Variants in ABCC5 observed in about 807,000 individuals in gnomAD.
ABCC5 encodes the protein ATP binding cassette subfamily C member 5.
ABCC5 carries 61 observed loss-of-function variants against 160.9 expected under a neutral mutation model. The ratio of observed to expected loss-of-function variants is 0.38; its 90% CI spans 0.31 to 0.47. ABCC5 has a LOEUF of 0.47. ABCC5 is among the 20% of genes least tolerant of loss of function. The pLI is 0.99. For synonymous variants in ABCC5, 666 were observed against 700.6 expected, an observed-to-expected ratio of 0.95 and a Z score of 0.78; for missense variants, 1,308 against 1,813.3, an observed-to-expected ratio of 0.72 and a Z score of 5.06.
intron 2 of ABCC5, among the ~76,000 whole-genome samples, chr3:183,992,596 T>C (rs1411673755): frequency 2.0e-5 from 3 of 151,838 alleles, no homozygotes; most frequent in Non-Finnish European, 4.4e-5. Context: ...CCATCCTGGC[T>C]AACACGGTGA....
intron 16 of ABCC5, among the ~76,000 whole-genome samples, chr3:183,960,227 T>G (rs149010371): frequency 1.3e-5 from 2 of 152,314 alleles, no homozygotes; most frequent in Non-Finnish European, 2.9e-5. Context: ...CTTTTCCACC[T>G]GGTTCTGTAG....
At chr3:183,935,128 C>T (rs1713565552) in intron 26 of ABCC5, among the ~76,000 whole-genome samples, 1 of 151,970 alleles carries the variant, frequency 6.6e-6, no homozygotes, top group Admixed American at 6.6e-5. Flanking sequence ...ATCCGCCCTC[C>T]TCGGCCTCCC....
At chr3:183,977,831 CA>C (rs1392981949) in intron 9 of ABCC5, among the ~76,000 whole-genome samples, 3 of 151,876 alleles carry the variant, frequency 2.0e-5, no homozygotes, top group East Asian at 3.9e-4. Flanking sequence ...TGGCTCACTG[CA>C]ACTTCCACCT....
In ABCC5 at chr3:183,961,516, C is replaced by A. The variant is rs767221036; in HGVS notation, c.2374G>T (p.Val792Phe). ...NNLLLGETPP[V>F]EINSKKETSG... ...CAAACACCATCAGATCTTACCTCAACTGGCGGTGTCTCTCCCAGCAACAGG... is the reference window on the plus strand; with the variant it reads ...CAAACACCATCAGATCTTACCTCAAATGGCGGTGTCTCTCCCAGCAACAGG... Residue 792 changes from valine to phenylalanine, a missense_variant, in exon 16 of 30, where the codon GTT (valine) becomes TTT (phenylalanine). Physicochemically the swap from Val to Phe is conservative, Grantham distance 50. Transcript: ENST00000334444. 2 of 1,614,100 alleles carry A rather than the reference C, an allele frequency of 1.2e-6. No homozygotes were observed. Among genetic ancestry groups the A allele is most frequent in the Admixed American group, 3.3e-5 (2 of 60,006 alleles).
At position 183,949,958 on chromosome 3, in the gene ABCC5, C is replaced by T. The variant is rs747058291; in HGVS notation, c.3098+14G>A. 17 of 1,614,006 alleles carry T rather than the reference C, an allele frequency of 1.1e-5. No individual in the cohort carries two copies. Among genetic ancestry groups the T allele is most frequent in the South Asian group, 6.6e-5 (6 of 91,062 alleles). ...TCTCCGTGGCCCCAGCAGACATGAACGCTTCCTATTTACCTGGAGACAATG... is the reference window on the plus strand; with the variant it reads ...TCTCCGTGGCCCCAGCAGACATGAATGCTTCCTATTTACCTGGAGACAATG... On this transcript the variant is annotated intron_variant, in intron 21 of 29. Coordinates refer to ENST00000334444, the MANE Select transcript of ABCC5 (RefSeq NM_005688.4). This position sits in a 1 kb window ranked among gnomAD's most constrained non-coding sequence, Gnocchi z 4.2.
chr3:183,924,416 T>C (rs1462452018), intron 29 of ABCC5, among the ~76,000 whole-genome samples: 1 of 152,186 alleles, frequency 6.6e-6, no homozygotes, highest in African/African-American at 2.4e-5. Flanking sequence ...TGATGACTGA[T>C]GGTATGTTGA....
chr3:183,942,877 C>T lies in ABCC5; in HGVS notation c.3544G>A (p.Ala1182Thr). The T allele has an allele frequency of 1.9e-6, 3 of 1,613,870 alleles. No individual in the cohort carries two copies. The highest frequency in any genetic ancestry group is 1.3e-5 in the African/African-American group (1 of 75,002). Residue 1182 changes from alanine (A) to threonine (T), a missense_variant, in exon 25 of 30, where the codon GCT becomes ACT. Around this residue, in one of 3 missense-constraint regions of ABCC5, gnomAD observed 1,142 missense variants for 1,527.1 expected, o/e 0.75. Transcript: ENST00000334444. ...TCCTGGGGCCAGTCAGGGGAGGGAGCCTTGTTCTTAATTCTGGCAGGTGCT... is the reference window on the plus strand; with the variant it reads ...TCCTGGGGCCAGTCAGGGGAGGGAGTCTTGTTCTTAATTCTGGCAGGTGCT... ...LEAPARIKNK[A>T]PSPDWPQEGE... is the part of the protein sequence containing the mutation.
intron 2 of ABCC5, chr3:184,001,143 C>T: frequency 2.3e-6 from 1 of 430,310 alleles, no homozygotes; most frequent in Non-Finnish European, 4.1e-6. Flanking sequence ...GTCCTAGCTA[C>T]TCAGGAGGCT....
At chr3:184,005,115 C>T (rs979177917) in intron 2 of ABCC5, among the ~76,000 whole-genome samples, 9 of 152,076 alleles carry the variant, frequency 5.9e-5, no homozygotes, top group African/African-American at 1.2e-4. Context: ...TCTGAGCCAC[C>T]GAATTCCAGA....
chr3:184,012,117 T>A (rs1376237508), intron 2 of ABCC5, among the ~76,000 whole-genome samples: 1 of 152,132 alleles, frequency 6.6e-6, no homozygotes, highest in Non-Finnish European at 1.5e-5. Flanking sequence ...ATTATCCTGT[T>A]GTGATACTGG....
chr3:183,945,961 C>A, intron 23 of ABCC5, 22 bp from the exon 24 acceptor site: 1 of 1,604,662 alleles, frequency 6.2e-7, no homozygotes, highest in South Asian at 1.1e-5. Context: ...AAACAACAAT[C>A]AAAGAGATAA....
chr3:183,985,264 G>C, intron 5 of ABCC5: 1 of 1,513,276 alleles, frequency 6.6e-7, no homozygotes, highest in Non-Finnish European at 9.2e-7. Flanking sequence ...ATAGCTGTCT[G>C]GCTGTGGAAA....
At chr3:183,985,481 G>T in intron 5 of ABCC5, 1 of 981,296 alleles carries the variant, frequency 1.0e-6, no homozygotes, top group Non-Finnish European at 1.7e-6. Context: ...GGTTGGAAGG[G>T]TGGGAAACTT....
At chr3:183,933,470 C>T (rs922520845) in intron 26 of ABCC5, among the ~76,000 whole-genome samples, 10 of 152,044 alleles carry the variant, frequency 6.6e-5, no homozygotes, top group Non-Finnish European at 1.2e-4. Flanking sequence ...GCACAGGGAG[C>T]TCTGGGAGAA....
At chr3:183,939,125 T>C (rs1184319858) in intron 25 of ABCC5, among the ~76,000 whole-genome samples, 1 of 152,218 alleles carries the variant, frequency 6.6e-6, no homozygotes, top group Non-Finnish European at 1.5e-5. Flanking sequence ...AATATTGTAA[T>C]TGCTTTTTTC....
chr3:183,982,714 A>C lies in ABCC5; in HGVS notation c.825+60T>G. On this transcript the variant is annotated intron_variant, in intron 6 of 29. Transcript: ENST00000334444. The surrounding 1 kb of genome is among the most constrained non-coding windows in gnomAD (Gnocchi z 5.2). Reference sequence around the variant, plus strand: ...GATAAAGGATAAGGCAGGGCCCTAGAGGAATGAACCTCAAGCTAGGAAGTT... The same window carrying C: ...GATAAAGGATAAGGCAGGGCCCTAGCGGAATGAACCTCAAGCTAGGAAGTT... The C allele has an allele frequency of 6.2e-7, 1 of 1,608,724 alleles. No individual in the cohort carries two copies.
At chr3:183,943,047 T>C in intron 24 of ABCC5, 131 bp from the exon 25 acceptor site, 1 of 854,340 alleles carries the variant, frequency 1.2e-6, no homozygotes, top group Non-Finnish European at 1.8e-6. Context: ...GTCACCTTGC[T>C]AGGAAAGAAT....
At chr3:183,950,204 T>C (rs753152631) in intron 20 of ABCC5, 79 bp from the exon 21 acceptor site, 41 of 1,447,440 alleles carry the variant, frequency 2.8e-5, no homozygotes, top group Non-Finnish European at 3.8e-5. Context: ...AAAAAGGGGT[T>C]CCACAAACTC....
intron 11 of ABCC5, 52 bp from the exon 12 acceptor site, chr3:183,967,818 T>A (rs1316177277): frequency 7.0e-7 from 1 of 1,428,330 alleles, no homozygotes. Context: ...TAACCACTCA[T>A]CGCTAAGGAC....
Sources: allele counts gnomAD v4.1 joint callset (sites outside exome capture counted in the v4.1 genomes callset), GRCh38; gene constraint gnomAD v4.1.1; regional missense constraint gnomAD v4.1.1; non-coding constraint Gnocchi (gnomAD v3.1); transcripts MANE v1.5; gene names NCBI Gene and HGNC (gene_info 2026-07-23, HGNC 2026-07-21).